SNX29: variants seen among roughly 807,000 people sequenced by gnomAD.
SNX29 encodes the protein sorting nexin 29.
In SNX29, 78 loss-of-function variants were observed where a neutral mutation model predicts 102.1. That is an observed-to-expected ratio of 0.76 (90% confidence interval 0.64 to 0.92). SNX29 has a LOEUF of 0.92. Among genes scored for constraint, SNX29 ranks in the 40% least tolerant of loss-of-function variants. SNX29 has a pLI of 0.00. For missense variants in SNX29, 1,280 were observed against 1,061.7 expected (o/e 1.21, Z -2.86); for synonymous variants, 580 against 414.5 (o/e 1.40, Z -4.85).
chr16:12,425,585 TG>T (rs1239513181), intron 18 of SNX29, among the ~76,000 whole-genome samples: 1 of 115,894 alleles, frequency 8.6e-6, no homozygotes, highest in Non-Finnish European at 1.8e-5. Flanking sequence ...AGAGGCAGGG[TG>T]GGAAGTAGAG....
At chr16:11,996,543 T>C (rs1320387441) in intron 1 of SNX29, among the ~76,000 whole-genome samples, 1 of 152,182 alleles carries the variant, frequency 6.6e-6, no homozygotes, top group Non-Finnish European at 1.5e-5. Context: ...TATTATTCTA[T>C]TTTTTTCCTG....
intron 16 of SNX29, among the ~76,000 whole-genome samples, chr16:12,390,469 G>A (rs1423811850): frequency 2.6e-5 from 4 of 152,080 alleles, no homozygotes; most frequent in Admixed American, 2.0e-4. Flanking sequence ...CTCTCCTGGT[G>A]GATTGTATGC....
chr16:12,252,275 C>A (rs921384846), intron 14 of SNX29, among the ~76,000 whole-genome samples: 3 of 152,208 alleles, frequency 2.0e-5, no homozygotes, highest in Admixed American at 2.0e-4. Flanking sequence ...ATCCTCCTGT[C>A]TAAAAGCTTT....
intron 20 of SNX29, among the ~76,000 whole-genome samples, chr16:12,536,526 C>A (rs748126378): frequency 1.3e-5 from 2 of 152,122 alleles, no homozygotes; most frequent in Non-Finnish European, 2.9e-5. Context: ...TCTATTTTCC[C>A]CTCTGTAAAA....
chr16:12,196,248 C>T (rs2076770522), intron 13 of SNX29, among the ~76,000 whole-genome samples: 1 of 152,160 alleles, frequency 6.6e-6, no homozygotes, highest in South Asian at 2.1e-4. Context: ...TAGCATGAGC[C>T]ACCACGCCTG....
chr16:12,518,297 A>G (rs2089953081), intron 19 of SNX29, among the ~76,000 whole-genome samples: 1 of 152,128 alleles, frequency 6.6e-6, no homozygotes, highest in Non-Finnish European at 1.5e-5. Flanking sequence ...GTGGCTCTGC[A>G]CGGTTTTACT....
intron 2 of SNX29, among the ~76,000 whole-genome samples, chr16:12,002,735 G>A (rs2056330896): frequency 6.6e-6 from 1 of 152,210 alleles, no homozygotes; most frequent in African/African-American, 2.4e-5. Context: ...TTTTCTGTTA[G>A]CAATGTTTTC....
intron 13 of SNX29, among the ~76,000 whole-genome samples, chr16:12,162,058 C>G (rs150948290): frequency 5.7e-4 from 87 of 152,318 alleles, no homozygotes; most frequent in Middle Eastern, 3.4e-3. Context: ...GTCTATTAAA[C>G]CTCACCATCA....
At position 12,019,308 on chromosome 16, in the gene SNX29, C is replaced by T. The variant is rs180738180; in HGVS notation, c.123-8012C>T. 2.6e-3 allele frequency among the ~76,000 whole-genome samples: 393 copies of T among 151,994 alleles called. 7 individuals are homozygous for T. The highest frequency in any genetic ancestry group is 2.1e-3 in the Non-Finnish European group (144 of 67,958). On this transcript the variant is annotated intron_variant, in intron 3 of 20. Coordinates refer to ENST00000566228, the MANE Select transcript of SNX29 (RefSeq NM_032167.5). Reference sequence around the variant, plus strand: ...CGGCAAGCTCCGCCTCCCAGGTTCACGCCATTCTCCTGCTTCAGCCTCCCG... The same window carrying T: ...CGGCAAGCTCCGCCTCCCAGGTTCATGCCATTCTCCTGCTTCAGCCTCCCG...
chr16:12,563,064 C>A (rs974934853), intron 20 of SNX29, among the ~76,000 whole-genome samples: 1 of 152,054 alleles, frequency 6.6e-6, no homozygotes, highest in Non-Finnish European at 1.5e-5. Context: ...AATGTAGGTA[C>A]TGGAAGAGAA....
intron 13 of SNX29, among the ~76,000 whole-genome samples, chr16:12,170,952 C>G (rs2076136662): frequency 6.6e-6 from 1 of 151,942 alleles, no homozygotes; most frequent in South Asian, 2.1e-4. Flanking sequence ...CGACCTGGAG[C>G]CCAGGAGAAA....
intron 19 of SNX29, among the ~76,000 whole-genome samples, chr16:12,508,045 G>T (rs954598399): frequency 1.7e-4 from 26 of 152,372 alleles, no homozygotes; most frequent in South Asian, 4.1e-4. Flanking sequence ...ACGTGGCCAA[G>T]GGCAAGCTAA....
intron 19 of SNX29, among the ~76,000 whole-genome samples, chr16:12,498,904 A>G (rs780234146): frequency 1.3e-5 from 2 of 152,208 alleles, no homozygotes; most frequent in African/African-American, 2.4e-5. Context: ...GCTAGCAGTG[A>G]ACTATCATCT....
chr16:12,282,101 A>AG (rs1260777137), intron 15 of SNX29, among the ~76,000 whole-genome samples: 21 of 151,276 alleles, frequency 1.4e-4, no homozygotes, highest in Non-Finnish European at 2.7e-4. Context: ...AAAAAAAAAA[A>AG]AAAAAAATGC....
rs923121872 is a variant in SNX29, at chr16:12,356,221, T to C, written c.1841T>C (p.Val614Ala). The C allele has an allele frequency of 2.5e-6, 4 of 1,613,414 alleles. No homozygotes were observed. The highest frequency in any genetic ancestry group is 3.4e-6 in the Non-Finnish European group (4 of 1,179,722). Residue 614 changes from valine (V) to alanine (A), a missense_variant, in exon 16 of 21, where the codon GTA becomes GCA. By Grantham distance (64) the Val-to-Ala change is moderately conservative. Transcript: ENST00000566228. ...AACGAGCGCCTGCACAGGGCCCTGG[T>C]AGCCAAGGAAGCCCTCGTGTCCCAG... ...EFNERLHRAL[V>A]AKEALVSQMR...
intron 11 of SNX29, among the ~76,000 whole-genome samples, chr16:12,082,967 A>G (rs940801154): frequency 2.0e-5 from 3 of 152,080 alleles, no homozygotes; most frequent in African/African-American, 7.2e-5. Flanking sequence ...TGCTTGGGCT[A>G]CCATAACAAG....
chr16:12,399,774 G>C (rs918647833), intron 17 of SNX29, among the ~76,000 whole-genome samples: 2 of 152,154 alleles, frequency 1.3e-5, no homozygotes, highest in Non-Finnish European at 2.9e-5. Flanking sequence ...GAGAGGCTGA[G>C]GTGGGTGAGA....
At chr16:12,561,122 C>G (rs1248333008) in intron 20 of SNX29, 1 of 227,950 alleles carries the variant, frequency 4.4e-6, no homozygotes, top group East Asian at 6.3e-5. Context: ...GCACCCATCA[C>G]GCAGTCCTGA....
rs77268849 is a variant in SNX29 at position 12,287,120 on chromosome 16, C to G, written c.1782+9084C>G. On this transcript the variant is annotated intron_variant, in intron 15 of 20. Coordinates refer to ENST00000566228, the MANE Select transcript of SNX29 (RefSeq NM_032167.5). ...ATGGCTAAGCTCGGAGCTTTTCTGT[C>G]TTTTGGATGTGCCCTTTGCTTGGCT... Among the ~76,000 whole-genome samples the G allele has an allele frequency of 2.0e-3, 298 of 152,294 alleles. 1 individual carries two copies. Among genetic ancestry groups the G allele is most frequent in the Non-Finnish European group, 3.6e-3 (242 of 68,026 alleles).
Sources: gnomAD v4.1 joint callset for allele counts (sites outside exome capture counted in the v4.1 genomes callset) on GRCh38, gnomAD v4.1.1 for gene constraint, MANE v1.5 for transcripts, NCBI Gene and HGNC (gene_info 2026-07-23, HGNC 2026-07-21) for gene names.